Variants in DIABLO observed in about 807,000 individuals in gnomAD.
The protein encoded by DIABLO is diablo IAP-binding mitochondrial protein, also known as diablo homolog, mitochondrial.
A neutral mutation model predicts 31.7 loss-of-function variants in DIABLO; 32 were observed. The observed-to-expected ratio is 1.01, with a 90% CI of 0.76 to 1.35. The LOEUF is 1.35. DIABLO is among the 40% of genes most tolerant of loss of function. The pLI is 0.00. For missense variants in DIABLO, 316 were observed against 286.4 expected, an observed-to-expected ratio of 1.10 and a Z score of -0.75; for synonymous variants, 132 against 103.2, an observed-to-expected ratio of 1.28 and a Z score of -1.69.
chr12:122,225,765 T>G, intron 1 of DIABLO, 200 bp downstream of exon 1: 1 of 1,440,012 alleles, frequency 6.9e-7, no homozygotes, highest in Non-Finnish European at 9.1e-7. Context: ...ATGGACGAAC[T>G]GAAAAGGAAG....
At chr12:122,215,730 G>A (rs918771358) in intron 5 of DIABLO, among the ~76,000 whole-genome samples, 1 of 151,402 alleles carries the variant, frequency 6.6e-6, no homozygotes, top group African/African-American at 2.4e-5. Flanking sequence ...GAGAATAGGA[G>A]AAGCAGAGGC....
intron 5 of DIABLO, among the ~76,000 whole-genome samples, chr12:122,215,750 C>G (rs376504315): frequency 6.7e-6 from 1 of 149,832 alleles, no homozygotes. Context: ...CTTTGGAATT[C>G]GACCTACTTG....
At position 122,224,575 on chromosome 12, in the gene DIABLO, T is replaced by C. The variant is rs766248677; in HGVS notation, c.120A>G (p.Arg40=). 10 of 1,613,768 alleles carry C rather than the reference T, an allele frequency of 6.2e-6. No individual in the cohort carries two copies. The highest frequency in any genetic ancestry group is 1.7e-5 in the Admixed American group (1 of 59,918). The change falls in exon 2 of 6, where the codon AGA becomes AGG. Residue 40 remains arginine, a synonymous_variant. Coordinates refer to ENST00000464942, the MANE Select transcript of DIABLO (RefSeq NM_001371333.1). ...FKKRCFSELI[R]PWHKTVTIGF... ...CAATCGTCACAGTTTTGTGCCATGG[T>C]CTTATCAATTCTGAGAAACACCGCT... is the stretch of plus-strand genomic sequence containing the variant.
At chr12:122,209,641 G>A in intron 5 of DIABLO, 1 of 668,396 alleles carries the variant, frequency 1.5e-6, no homozygotes, top group Non-Finnish European at 2.7e-6. Flanking sequence ...CTCCAGCCTA[G>A]GTGAGAGTGA....
At chr12:122,224,962 A>G (rs1173226948) in intron 1 of DIABLO, 3 of 652,414 alleles carry the variant, frequency 4.6e-6, no homozygotes, top group South Asian at 1.9e-5. Context: ...TTAAAAAAAA[A>G]TAAGTAAATA....
At position 122,207,833 on chromosome 12, in the gene DIABLO, C is replaced by T. The variant is rs545435636; in HGVS notation, c.*548G>A. 6.5e-6 allele frequency: 3 copies of T among 462,416 alleles called. No individual in the cohort carries two copies. Among genetic ancestry groups the T allele is most frequent in the African/African-American group, 5.9e-5 (3 of 50,484 alleles). 28.6% of individuals were successfully genotyped at this position (462,416 alleles called of 1,614,324 possible). A position where few individuals can be genotyped will look rare whatever the true frequency, so the allele number is the denominator to read the frequency against. On this transcript the variant is annotated 3_prime_UTR_variant, in exon 6 of 6. Transcript: ENST00000464942. ...ACCAGGTAAACACTCTGCACCCCTT[C>T]TCTTAGTAGTAATAGGTTTTTCACT...
At position 122,218,365 on chromosome 12, in the gene DIABLO, T is replaced by C; in HGVS notation, c.216A>G (p.Ala72=). 6.2e-7 allele frequency: 1 copy of C among 1,614,168 alleles called. No homozygotes were observed. Among genetic ancestry groups the C allele is most frequent in the South Asian group, 1.1e-5 (1 of 91,088 alleles). ...KSEPHSLSSE[A]LMRRAVSLVT... ...CCAAAGACACTGCTCTCCTCATCAATGCTTCACTACTAAGGGAATGAGGCT... is the reference window on the plus strand; with the variant it reads ...CCAAAGACACTGCTCTCCTCATCAACGCTTCACTACTAAGGGAATGAGGCT... Residue 72 remains alanine (A), a synonymous_variant, in exon 3 of 6, where the codon GCA becomes GCG. Coordinates refer to ENST00000464942, the MANE Select transcript of DIABLO (RefSeq NM_001371333.1).
rs1392918419 is a variant in DIABLO at position 122,208,042 on chromosome 12, A to C, written c.*339T>G. 7.4e-6 allele frequency: 4 copies of C among 542,754 alleles called. No homozygotes were observed. Among genetic ancestry groups the C allele is most frequent in the Admixed American group, 4.4e-5 (2 of 45,102 alleles). 33.6% of individuals were successfully genotyped at this position (542,754 alleles called of 1,614,324 possible). On this transcript the variant is annotated 3_prime_UTR_variant, in exon 6 of 6. Coordinates refer to ENST00000464942, the MANE Select transcript of DIABLO (RefSeq NM_001371333.1). Reference sequence around the variant, plus strand: ...AAATAAGACTGAAAACAGGTTAAACAGTTGCTGAACTTAAGGGCATGACAA... The same window carrying C: ...AAATAAGACTGAAAACAGGTTAAACCGTTGCTGAACTTAAGGGCATGACAA...
At chr12:122,226,581 C>A (rs990699280), upstream of DIABLO, 7 of 693,000 alleles carry the variant, frequency 1.0e-5, no homozygotes, top group African/African-American at 1.1e-4. Flanking sequence ...GCGCGGGAGC[C>A]CCAGGACGGT....
chr12:122,219,049 A>G (rs898377317), intron 2 of DIABLO, among the ~76,000 whole-genome samples: 3 of 151,796 alleles, frequency 2.0e-5, no homozygotes, highest in African/African-American at 4.8e-5. Flanking sequence ...CCTGGCCAAC[A>G]TGGTGAAACC....
chr12:122,210,370 CCT>C (rs1954054890), intron 5 of DIABLO, among the ~76,000 whole-genome samples: 1 of 113,912 alleles, frequency 8.8e-6, no homozygotes, highest in Non-Finnish European at 1.7e-5. Context: ...ACCATTTCTA[CCT>C]TTTTTTTTTT....
chr12:122,219,800 T>C (rs1231956660), intron 2 of DIABLO, among the ~76,000 whole-genome samples: 2 of 142,186 alleles, frequency 1.4e-5, no homozygotes, highest in African/African-American at 5.2e-5. Flanking sequence ...GAGGTGGAGG[T>C]TGCAGTGAGA....
intron 1 of DIABLO, 168 bp from the exon 2 acceptor site, chr12:122,224,812 G>C: frequency 6.5e-7 from 1 of 1,528,292 alleles, no homozygotes; most frequent in Admixed American, 2.0e-5. Flanking sequence ...AGTTTAAAAT[G>C]TTGCCTCAGG....
intron 5 of DIABLO, among the ~76,000 whole-genome samples, chr12:122,210,534 AATTT>A (rs1218374095): frequency 7.3e-5 from 11 of 151,248 alleles, no homozygotes; most frequent in African/African-American, 1.5e-4. Context: ...CACCATGCCT[AATTT>A]ATTTATTTAT....
At chr12:122,208,895 A>C (rs756424049) in intron 5 of DIABLO, 5 of 416,392 alleles carry the variant, frequency 1.2e-5, no homozygotes, top group South Asian at 3.9e-5. Context: ...TTAACTACAC[A>C]TCTTCCATTT....
intron 5 of DIABLO, 69 bp downstream of exon 5, chr12:122,216,419 T>C: frequency 7.3e-7 from 1 of 1,369,786 alleles, no homozygotes; most frequent in Admixed American, 1.8e-5. Flanking sequence ...GAAAACCAGA[T>C]GAAAACTCAA....
intron 2 of DIABLO, among the ~76,000 whole-genome samples, chr12:122,219,016 C>T (rs1272658730): frequency 2.7e-5 from 4 of 149,924 alleles, no homozygotes; most frequent in Admixed American, 2.7e-4. Context: ...AGGCAGATCA[C>T]GAGGTCAGGA....
At position 122,225,952 on chromosome 12, in the gene DIABLO, G is replaced by A. The variant is rs1954456372; in HGVS notation, c.50+13C>T. ...CCTCTGGTCCTGTCCCCTCTACGCG[G>A]CCGCAGCGGTACCTGAAGAATGAAG... On this transcript the variant is annotated intron_variant, in intron 1 of 5. Coordinates refer to ENST00000464942, the MANE Select transcript of DIABLO (RefSeq NM_001371333.1). 1.3e-6 allele frequency: 2 copies of A among 1,586,798 alleles called. No homozygotes were observed. Among genetic ancestry groups the A allele is most frequent in the Non-Finnish European group, 1.7e-6 (2 of 1,167,236 alleles).
At chr12:122,217,172 A>G (rs1954233726) in intron 3 of DIABLO, 1 of 363,374 alleles carries the variant, frequency 2.8e-6, no homozygotes, top group Non-Finnish European at 5.2e-6. Context: ...ATGTAAAACA[A>G]ATGCACAAAT....
Sources: allele counts gnomAD v4.1 joint callset (sites outside exome capture counted in the v4.1 genomes callset), GRCh38; gene constraint gnomAD v4.1.1; transcripts MANE v1.5; gene names NCBI Gene and HGNC (gene_info 2026-07-23, HGNC 2026-07-21).